Variants in SASH1 observed in about 807,000 individuals in gnomAD.
SASH1 encodes the protein SAM and SH3 domain containing 1, also known as SAM and SH3 domain-containing protein 1.
In SASH1, 44 loss-of-function variants were observed where a neutral mutation model predicts 125.2. The observed-to-expected ratio is 0.35, with a 90% CI of 0.28 to 0.45. SASH1 has a LOEUF of 0.45. Ranked by LOEUF, SASH1 falls within the 20% of genes least tolerant of loss-of-function variation. The pLI is 1.00. For synonymous variants in SASH1, 639 were observed against 649.1 expected (o/e 0.98, Z 0.24); for missense variants, 1,426 against 1,614.5 (o/e 0.88, Z 2.00).
At chr6:148,339,377 T>G (rs1285492669), upstream of SASH1, among the ~76,000 whole-genome samples, 7 of 151,378 alleles carry the variant, frequency 4.6e-5, no homozygotes, top group Non-Finnish European at 7.4e-5. Context: ...GGCATCAACA[T>G]TTCTCCCAAA....
intron 8 of SASH1, among the ~76,000 whole-genome samples, chr6:148,489,941 G>A (rs1346567334): frequency 1.4e-5 from 2 of 147,752 alleles, no homozygotes; most frequent in Non-Finnish European, 3.0e-5. Context: ...GCTGAGGTGG[G>A]AGGATTGCTT....
intron 8 of SASH1, among the ~76,000 whole-genome samples, chr6:148,509,556 G>C (rs1780000138): frequency 6.6e-6 from 1 of 152,140 alleles, no homozygotes; most frequent in Admixed American, 6.5e-5. Context: ...GTCCTCCAAA[G>C]GGTCTAGTTG....
chr6:148,260,623 A>AG, the SASH1 span, among the ~76,000 whole-genome samples: 1 of 150,774 alleles, frequency 6.6e-6, no homozygotes, highest in Non-Finnish European at 1.5e-5. Flanking sequence ...AAAAAAAAAA[A>AG]GATTATTTTA....
chr6:148,391,060 G>GT (rs1390274488), intron 2 of SASH1, among the ~76,000 whole-genome samples: 1 of 151,112 alleles, frequency 6.6e-6, no homozygotes, highest in Non-Finnish European at 1.5e-5. Context: ...TCCTTCTAGT[G>GT]TTTTTGTGGG....
chr6:148,229,098 C>T, the SASH1 span, among the ~76,000 whole-genome samples: 2 of 134,684 alleles, frequency 1.5e-5, no homozygotes. Flanking sequence ...CGCACTACTG[C>T]ACTCCAGCCT....
At chr6:148,403,143 C>T (rs1231614156) in intron 2 of SASH1, among the ~76,000 whole-genome samples, 1 of 152,106 alleles carries the variant, frequency 6.6e-6, no homozygotes, top group East Asian at 1.9e-4. Context: ...TCTCTAGAGT[C>T]TCCTCAGAGC....
In SASH1 at chr6:148,294,050, C is replaced by T. The variant is rs542604230; in HGVS notation, n.74+21673C>T. Among the ~76,000 whole-genome samples the T allele has an allele frequency of 2.0e-5, 3 of 152,316 alleles. No homozygotes were observed. The South Asian group carries it at 6.2e-4, about 32-fold the overall frequency. ...ATGGATCTGGGGAGGCAAAGGGAAT[C>T]TATTCTCTGAAAAGCACCATATGAC... On this transcript the variant is annotated intron_variant and non_coding_transcript_variant, in intron 1 of 3. Coordinates refer to the SASH1 transcript ENST00000367469.
At chr6:148,380,687 A>T (rs1405193513) in intron 1 of SASH1, among the ~76,000 whole-genome samples, 1 of 152,184 alleles carries the variant, frequency 6.6e-6, no homozygotes, top group East Asian at 1.9e-4. Context: ...CAATGTTCCC[A>T]TTCTTTTCTC....
intron 1 of SASH1, among the ~76,000 whole-genome samples, chr6:148,274,217 G>A (rs180918106): frequency 6.6e-6 from 1 of 152,334 alleles, no homozygotes; most frequent in Admixed American, 6.5e-5. Context: ...AAAGTGAACA[G>A]ACATGGCTGG....
chr6:148,398,923 C>G (rs949462053), intron 2 of SASH1, among the ~76,000 whole-genome samples: 20 of 152,174 alleles, frequency 1.3e-4, no homozygotes, highest in African/African-American at 4.8e-4. Context: ...TGCCCTGTTC[C>G]AATTTAGTCA....
chr6:148,421,455 C>T (rs1785101283), intron 2 of SASH1, among the ~76,000 whole-genome samples: 1 of 152,202 alleles, frequency 6.6e-6, no homozygotes, highest in Non-Finnish European at 1.5e-5. Context: ...AGGCCTGTGC[C>T]ACCATGCCCA....
intron 4 of SASH1, among the ~76,000 whole-genome samples, chr6:148,456,047 G>T (rs1427476822): frequency 6.6e-6 from 1 of 152,206 alleles, no homozygotes; most frequent in East Asian, 1.9e-4. Context: ...TGCGTGGCCA[G>T]CAGGCCTCGG....
intron 1 of SASH1, among the ~76,000 whole-genome samples, chr6:148,301,511 C>T (rs1040527537): frequency 6.6e-6 from 1 of 152,014 alleles, no homozygotes; most frequent in Non-Finnish European, 1.5e-5. Context: ...GGTGATTCTC[C>T]TGCCTTGGCC....
At chr6:148,254,785 G>T in the SASH1 span, among the ~76,000 whole-genome samples, 1 of 152,166 alleles carries the variant, frequency 6.6e-6, no homozygotes, top group Non-Finnish European at 1.5e-5. Context: ...AGCCATTTCA[G>T]GAAAGAGTAT....
At chr6:148,280,665 G>A (rs1439665384) in intron 1 of SASH1, among the ~76,000 whole-genome samples, 1 of 152,090 alleles carries the variant, frequency 6.6e-6, no homozygotes, top group Non-Finnish European at 1.5e-5. Context: ...AAAATTAGCT[G>A]AGTGTGGTTG....
intron 1 of SASH1, among the ~76,000 whole-genome samples, chr6:148,382,264 C>T (rs141739051): frequency 2.0e-5 from 3 of 152,230 alleles, no homozygotes; most frequent in Admixed American, 6.5e-5. Context: ...GCCAGATCTC[C>T]GCCTTCTGTG....
intron 1 of SASH1, among the ~76,000 whole-genome samples, chr6:148,345,062 T>C (rs1377311901): frequency 6.6e-6 from 1 of 152,236 alleles, no homozygotes; most frequent in Non-Finnish European, 1.5e-5. Flanking sequence ...TAGACTGTTT[T>C]TAAGTTATCC....
intron 8 of SASH1, among the ~76,000 whole-genome samples, chr6:148,506,181 G>A (rs1779790698): frequency 6.6e-6 from 1 of 151,200 alleles, no homozygotes; most frequent in Non-Finnish European, 1.5e-5. Context: ...AGACTGCAGA[G>A]TTAATAATAA....
rs1451089288 is a variant in SASH1, at chr6:148,478,576, G to A, written c.627+4354G>A. Reference sequence around the variant, plus strand: ...GGAAGTATGGATGGTTAATGGGTACGAAAGTATAGTTAGAAAGAATGAATA... The same window carrying A: ...GGAAGTATGGATGGTTAATGGGTACAAAAGTATAGTTAGAAAGAATGAATA... On this transcript the variant is annotated intron_variant, in intron 7 of 19. Coordinates refer to ENST00000367467, the MANE Select transcript of SASH1 (RefSeq NM_015278.5). 5 of 152,360 alleles carry A rather than the reference G, an allele frequency of 3.3e-5. No individual in the cohort carries two copies. The East Asian group carries it at 9.6e-4, about 29-fold the overall frequency. 9.4% of individuals were successfully genotyped at this position (152,360 alleles called of 1,614,324 possible).
Sources: allele counts gnomAD v4.1 joint callset (sites outside exome capture counted in the v4.1 genomes callset), GRCh38; gene constraint gnomAD v4.1.1; transcripts MANE v1.5; gene names NCBI Gene and HGNC (gene_info 2026-07-23, HGNC 2026-07-21).